Variants in MPP7 observed in about 807,000 individuals in gnomAD.
The protein encoded by MPP7 is MAGUK p55 scaffold protein 7.
A neutral mutation model predicts 76.5 loss-of-function variants in MPP7; 60 were observed. That is an observed-to-expected ratio of 0.78 (90% CI 0.64 to 0.97). The LOEUF (loss-of-function observed/expected upper bound fraction) is 0.97, where lower values mean the gene tolerates loss of function less well. Ranked by LOEUF, MPP7 falls within the 50% of genes least tolerant of loss-of-function variation. MPP7 has a pLI of 0.00. For missense variants in MPP7, 641 were observed against 694.0 expected (o/e 0.92, Z 0.86); for synonymous variants, 237 against 244.5 (o/e 0.97, Z 0.29).
At chr10:28,072,796 T>C (rs1055722916) in intron 12 of MPP7, among the ~76,000 whole-genome samples, 3 of 152,232 alleles carry the variant, frequency 2.0e-5, no homozygotes, top group Non-Finnish European at 4.4e-5. Context: ...ATGGTATCAT[T>C]CTCTGATCTT....
chr10:28,116,500 G>A (rs1379453550), intron 11 of MPP7, among the ~76,000 whole-genome samples: 1 of 152,028 alleles, frequency 6.6e-6, no homozygotes, highest in Non-Finnish European at 1.5e-5. Context: ...TAATCTAAAA[G>A]CTGGTCATAT....
At chr10:28,247,203 A>T (rs1317009594) in intron 1 of MPP7, among the ~76,000 whole-genome samples, 2 of 152,232 alleles carry the variant, frequency 1.3e-5, no homozygotes, top group Non-Finnish European at 2.9e-5. Flanking sequence ...AAACATCTGT[A>T]ATAAATCTGG....
At chr10:28,262,185 TTATA>T (rs766903338) in intron 1 of MPP7, among the ~76,000 whole-genome samples, 25,643 of 59,552 alleles carry the variant, frequency 0.43, 6,669 homozygotes, top group East Asian at 0.66. Flanking sequence ...AATAAATAAA[TTATA>T]TATATATATA....
Position 28,136,879 on chromosome 10 carries a change from C to T in MPP7, c.316-5188G>A, listed in dbSNP as rs117496678. Among the ~76,000 whole-genome samples, 59 of 152,136 alleles carry T rather than the reference C, an allele frequency of 3.9e-4. No individual in the cohort carries two copies. The East Asian group carries it at 0.011, about 29-fold the overall frequency. On this transcript the variant is annotated intron_variant, in intron 5 of 16. Transcript: ENST00000683449. ...GATCTGGGCAACTACTTTAAATGGC[C>T]TAATATACATGTTAACTGGCATCTC...
chr10:28,153,804 G>GCATTA (rs1473588140), intron 3 of MPP7, among the ~76,000 whole-genome samples: 1 of 152,064 alleles, frequency 6.6e-6, no homozygotes, highest in Non-Finnish European at 1.5e-5. Context: ...ATGGTCATCT[G>GCATTA]CATTACATTA....
chr10:28,163,063 C>T (rs565042867), intron 3 of MPP7, among the ~76,000 whole-genome samples: 2 of 152,258 alleles, frequency 1.3e-5, no homozygotes, highest in South Asian at 2.1e-4. Context: ...TAAGGTGACA[C>T]AGTCATAGGG....
chr10:28,151,720 AGG>A lies in MPP7; in HGVS notation c.157-1663_157-1662del, dbSNP rs1835889733. Reference sequence around the variant, plus strand: ...GGACCATCTCATTTTACAGATAAATAGGAGTTAAACAAGTTGCTATGTTCTTG... The same window carrying A: ...GGACCATCTCATTTTACAGATAAATAAGTTAAACAAGTTGCTATGTTCTTG... On this transcript the variant is annotated intron_variant, in intron 3 of 16. Transcript: ENST00000683449. Among the ~76,000 whole-genome samples the A allele has an allele frequency of 2.0e-5, 3 of 152,356 alleles. No homozygotes were observed. In the South Asian group the frequency reaches 6.2e-4, roughly 32 times the overall value.
intron 2 of MPP7, among the ~76,000 whole-genome samples, chr10:28,320,944 A>G (rs1010260700): frequency 3.9e-5 from 6 of 152,036 alleles, no homozygotes; most frequent in Non-Finnish European, 8.8e-5. Context: ...GGGCAGACAG[A>G]GTGTCCCCCA....
intron 1 of MPP7, among the ~76,000 whole-genome samples, chr10:28,270,532 A>AGGGGGGG (rs71391026): frequency 1.9e-4 from 3 of 15,502 alleles, no homozygotes; most frequent in African/African-American, 2.8e-4. Context: ...AAAAAAAAAA[A>AGGGGGGG]GGGGGGGGGG....
intron 11 of MPP7, among the ~76,000 whole-genome samples, chr10:28,115,970 T>C (rs1318305854): frequency 6.6e-6 from 1 of 152,194 alleles, no homozygotes; most frequent in Non-Finnish European, 1.5e-5. Context: ...AGAGTTATTG[T>C]GTAAAACAAA....
At chr10:28,239,486 A>G (rs1186499559) in intron 1 of MPP7, among the ~76,000 whole-genome samples, 1 of 152,116 alleles carries the variant, frequency 6.6e-6, no homozygotes, top group Non-Finnish European at 1.5e-5. Flanking sequence ...AATATGACAA[A>G]TGCATGGTTC....
In MPP7 at chr10:28,056,629, A is replaced by G; in HGVS notation, c.1408-6T>C. 6.5e-7 allele frequency: 1 copy of G among 1,542,784 alleles called. No individual in the cohort carries two copies. The highest frequency in any genetic ancestry group is 8.7e-7 in the Non-Finnish European group (1 of 1,155,862). The stretch of plus-strand genomic sequence containing the variant: ...GTCCTTAAATGCTTCACTGTCTACA[A>G]GGAAGAAAAGAAAGTTTTCTCACAT... On this transcript the variant is annotated splice_polypyrimidine_tract_variant and splice_region_variant and intron_variant, in intron 15 of 16. Transcript: ENST00000683449.
chr10:28,329,488 G>A (rs1311643346), intron 2 of MPP7, among the ~76,000 whole-genome samples: 1 of 152,054 alleles, frequency 6.6e-6, no homozygotes, highest in Non-Finnish European at 1.5e-5. Context: ...AATTAGCTGG[G>A]CGTGGTGGTG....
chr10:28,243,206 T>C (rs770567819), intron 1 of MPP7, among the ~76,000 whole-genome samples: 4 of 152,094 alleles, frequency 2.6e-5, no homozygotes, highest in African/African-American at 7.2e-5. Flanking sequence ...ACAGTATATG[T>C]TGCTAATGAT....
At chr10:28,118,325 A>C (rs1834722611) in intron 11 of MPP7, 1 of 975,676 alleles carries the variant, frequency 1.0e-6, no homozygotes, top group Non-Finnish European at 1.2e-6. Context: ...TTTTCAATCA[A>C]TGAAAATTTA....
At chr10:28,227,347 C>T (rs1038847677) in intron 2 of MPP7, among the ~76,000 whole-genome samples, 2 of 152,102 alleles carry the variant, frequency 1.3e-5, no homozygotes, top group Non-Finnish European at 2.9e-5. Context: ...ATGTGCAGGA[C>T]GTACAGGTTT....
At chr10:28,067,868 C>G (rs11006832) in intron 13 of MPP7, among the ~76,000 whole-genome samples, 16,265 of 151,784 alleles carry the variant, frequency 0.11, 1,583 homozygotes, top group East Asian at 0.5. Flanking sequence ...GAACTGGTAT[C>G]AAAAAAAACT....
intron 3 of MPP7, among the ~76,000 whole-genome samples, chr10:28,174,774 A>G (rs2085765136): frequency 6.6e-6 from 1 of 152,250 alleles, no homozygotes; most frequent in Non-Finnish European, 1.5e-5. Flanking sequence ...AAAGACCTGT[A>G]CAGGACTGCT....
chr10:28,149,991 CA>C lies in MPP7; in HGVS notation c.224del (p.Leu75TrpfsTer14), dbSNP rs771177745. ...PVPILHGAAA[L>X]ADDLAEELQN... ...GGAGAGTCACACTTACATCATCGGCCAAGGCCGCCGCACCATGGAGAATGGG... is the reference window on the plus strand; with the variant it reads ...GGAGAGTCACACTTACATCATCGGCCAGGCCGCCGCACCATGGAGAATGGG... On this transcript the variant is annotated frameshift_variant, in exon 4 of 17. Coordinates refer to ENST00000683449, the MANE Select transcript of MPP7 (RefSeq NM_001318170.2). LOFTEE classifies it high-confidence loss of function. 4 of 1,613,126 alleles carry C rather than the reference CA, an allele frequency of 2.5e-6. No homozygotes were observed. The South Asian group carries it at 4.4e-5, about 18-fold the overall frequency.
Sources: gnomAD v4.1 joint callset for allele counts (sites outside exome capture counted in the v4.1 genomes callset) on GRCh38, gnomAD v4.1.1 for gene constraint, MANE v1.5 for transcripts, NCBI Gene and HGNC (gene_info 2026-07-23, HGNC 2026-07-21) for gene names.